The following NCK1 variants were observed in gnomAD, a reference collection of about 807,000 sequenced individuals.
The protein encoded by NCK1 is NCK adaptor protein 1.
A neutral mutation model predicts 36.6 loss-of-function variants in NCK1; 19 were observed. The observed-to-expected ratio is 0.52, with a 90% confidence interval of 0.36 to 0.76. NCK1 has a LOEUF of 0.76. NCK1 is among the 30% of genes least tolerant of loss of function. The pLI is 0.00. For missense variants in NCK1, 358 were observed against 445.6 expected (o/e 0.80, Z 1.77); for synonymous variants, 165 against 156.0 (o/e 1.06, Z -0.43).
At chr3:136,917,250 T>C (rs1454554099) in intron 1 of NCK1, among the ~76,000 whole-genome samples, 1 of 132,284 alleles carries the variant, frequency 7.6e-6, no homozygotes, top group East Asian at 2.3e-4. Context: ...TTTTTTTTGC[T>C]TAATCAGCTA....
At chr3:136,911,076 C>G (rs901735516) in intron 1 of NCK1, among the ~76,000 whole-genome samples, 2 of 152,136 alleles carry the variant, frequency 1.3e-5, no homozygotes, top group African/African-American at 4.8e-5. Context: ...TATGTTGTTG[C>G]AAATGAAAGA....
intron 1 of NCK1, among the ~76,000 whole-genome samples, chr3:136,876,786 G>A (rs150306732): frequency 1.3e-3 from 193 of 152,236 alleles, no homozygotes; most frequent in African/African-American, 4.1e-3. Flanking sequence ...TTACGAATCA[G>A]TGTAACTGCT....
chr3:136,889,224 G>A (rs1300662949), intron 1 of NCK1: 1 of 165,466 alleles, frequency 6.0e-6, no homozygotes, highest in African/African-American at 2.4e-5. Context: ...CCATGTTATA[G>A]CACATACTGG....
intron 1 of NCK1, among the ~76,000 whole-genome samples, chr3:136,872,211 C>T (rs557076022): frequency 6.7e-4 from 102 of 152,126 alleles, no homozygotes; most frequent in Non-Finnish European, 1.2e-3. Flanking sequence ...ATGCTGATTG[C>T]GATATGGACC....
intron 1 of NCK1, among the ~76,000 whole-genome samples, chr3:136,909,991 A>T (rs1939793630): frequency 6.6e-6 from 1 of 152,092 alleles, no homozygotes; most frequent in African/African-American, 2.4e-5. Flanking sequence ...TCTCTTACGG[A>T]TAGCATATAT....
chr3:136,871,941 A>G (rs1938633335), intron 1 of NCK1, among the ~76,000 whole-genome samples: 1 of 152,154 alleles, frequency 6.6e-6, no homozygotes, highest in African/African-American at 2.4e-5. Context: ...TGCCATGTGG[A>G]ACTGTAAGCC....
Position 136,862,853 on chromosome 3 carries a change from C to G in NCK1, c.-19+500C>G, listed in dbSNP as rs569799198. On this transcript the variant is annotated intron_variant, in intron 1 of 3. Transcript: ENST00000481752. ...CGGGTGGACATCTTCGGGACGCGCC[C>G]TCTCCCCTCCCCCCACCCACCGGCC... 5.9e-3 allele frequency among the ~76,000 whole-genome samples: 867 copies of G among 147,364 alleles called. 4 individuals are homozygous for G. The highest frequency in any genetic ancestry group is 9.4e-3 in the Non-Finnish European group (623 of 66,374).
intron 1 of NCK1, among the ~76,000 whole-genome samples, chr3:136,888,839 T>G (rs1389271908): frequency 6.6e-6 from 1 of 152,060 alleles, no homozygotes; most frequent in Non-Finnish European, 1.5e-5. Context: ...ACCGCTTTCT[T>G]TCACTTAGTT....
chr3:136,879,994 A>AAAAAAAAAAAG, intron 1 of NCK1, among the ~76,000 whole-genome samples: 1 of 148,524 alleles, frequency 6.7e-6, no homozygotes, highest in South Asian at 2.2e-4. Flanking sequence ...AATATTAAAA[A>AAAAAAAAAAAG]AAAAAAAAGG....
chr3:136,945,577 C>G lies in NCK1; in HGVS notation c.227-6C>G, dbSNP rs1157303025. On this transcript the variant is annotated splice_region_variant and splice_polypyrimidine_tract_variant and intron_variant, in intron 2 of 3. Coordinates refer to ENST00000481752, the MANE Select transcript of NCK1 (RefSeq NM_001291999.2). ...CTCCTCTCATGGCCCTTTTTAATTTCAACAGGCATTGGAAAAGTGAAAAGA... is the reference window on the plus strand; with the variant it reads ...CTCCTCTCATGGCCCTTTTTAATTTGAACAGGCATTGGAAAAGTGAAAAGA... The G allele has an allele frequency of 6.4e-7, 1 of 1,571,558 alleles. No homozygotes were observed. The highest frequency in any genetic ancestry group is 1.4e-5 in the African/African-American group (1 of 73,152).
intron 1 of NCK1, among the ~76,000 whole-genome samples, chr3:136,900,608 G>A (rs1939516694): frequency 6.6e-6 from 1 of 151,924 alleles, no homozygotes; most frequent in African/African-American, 2.4e-5. Context: ...CTAGTGTTTT[G>A]TAGTTTTTAT....
At chr3:136,945,272 C>A (rs1940781047) in intron 2 of NCK1, among the ~76,000 whole-genome samples, 2 of 152,062 alleles carry the variant, frequency 1.3e-5, no homozygotes, top group South Asian at 4.1e-4. Flanking sequence ...TCTATATTTA[C>A]ATTTAAGAGG....
At position 136,948,411 on chromosome 3, in the gene NCK1, T is replaced by C; in HGVS notation, c.1092T>C (p.Ser364=). The part of the protein sequence containing the change: ...EHYKKAPIFT[S]EQGEKLYLVK... ...ACAAAAAGGCACCAATTTTTACAAG[T>C]GAACAAGGAGAAAAATTATATCTTG... The change falls in exon 4 of 4, where the codon AGT becomes AGC. Residue 364 remains serine (S), a synonymous_variant. Coordinates refer to ENST00000481752, the MANE Select transcript of NCK1 (RefSeq NM_001291999.2). 6.2e-7 allele frequency: 1 copy of C among 1,612,906 alleles called. No individual in the cohort carries two copies. The highest frequency in any genetic ancestry group is 1.1e-5 in the South Asian group (1 of 90,948).
intron 2 of NCK1, among the ~76,000 whole-genome samples, chr3:136,938,812 C>G (rs1301505112): frequency 1.3e-5 from 2 of 152,176 alleles, no homozygotes; most frequent in Non-Finnish European, 2.9e-5. Context: ...CTGTTTTTCC[C>G]TTAGGAGCTG....
At chr3:136,892,070 A>G (rs1046468304) in intron 1 of NCK1, among the ~76,000 whole-genome samples, 5 of 151,716 alleles carry the variant, frequency 3.3e-5, no homozygotes, top group African/African-American at 1.2e-4. Context: ...TATTTTTTGT[A>G]GAGATGGGGA....
chr3:136,938,509 A>G (rs1267767737), intron 2 of NCK1, among the ~76,000 whole-genome samples: 5 of 152,136 alleles, frequency 3.3e-5, no homozygotes, highest in Non-Finnish European at 7.4e-5. Context: ...TCCTTTGTGC[A>G]GTCTATTTAG....
chr3:136,878,849 G>A, intron 1 of NCK1, among the ~76,000 whole-genome samples: 1 of 152,080 alleles, frequency 6.6e-6, no homozygotes. Context: ...TGGAGGTCAA[G>A]CGTTCTACAG....
chr3:136,876,816 T>G (rs1938787586), intron 1 of NCK1, among the ~76,000 whole-genome samples: 1 of 152,204 alleles, frequency 6.6e-6, no homozygotes. Flanking sequence ...TTGGTATCCA[T>G]GAAGAGCCTG....
chr3:136,925,535 C>T (rs541790888), intron 1 of NCK1, among the ~76,000 whole-genome samples: 10 of 152,286 alleles, frequency 6.6e-5, no homozygotes, highest in East Asian at 1.9e-4. Flanking sequence ...CCTGCTGCCC[C>T]GTTAACCCTG....
Sources: allele counts gnomAD v4.1 joint callset (sites outside exome capture counted in the v4.1 genomes callset), GRCh38; gene constraint gnomAD v4.1.1; transcripts MANE v1.5; gene names NCBI Gene and HGNC (gene_info 2026-07-23, HGNC 2026-07-21).